Variants in CLDN18 observed in about 807,000 individuals in gnomAD.
CLDN18 encodes the protein claudin-18.
In CLDN18, 20 loss-of-function variants were observed where a neutral mutation model predicts 25.0. The observed-to-expected ratio is 0.80, with a 90% CI of 0.56 to 1.16. The LOEUF is 1.16. CLDN18 is among the 50% of genes most tolerant of loss of function. The pLI is 0.00. For synonymous variants in CLDN18, 125 were observed against 135.6 expected (o/e 0.92, Z 0.54); for missense variants, 297 against 345.4 (o/e 0.86, Z 1.11).
At chr3:138,009,833 A>AT (rs1413395747), upstream of CLDN18, among the ~76,000 whole-genome samples, 4 of 152,208 alleles carry the variant, frequency 2.6e-5, no homozygotes, top group African/African-American at 7.2e-5. Flanking sequence ...GAGGTCAGCC[A>AT]AAGTGGTCTG....
At chr3:138,003,529 G>A (rs1942039570) in intron 1 of CLDN18, among the ~76,000 whole-genome samples, 1 of 152,144 alleles carries the variant, frequency 6.6e-6, no homozygotes, top group Admixed American at 6.6e-5. Flanking sequence ...ATGGGCTAGG[G>A]CAGGTGGAGT....
chr3:138,004,194 T>G (rs1017115163), intron 1 of CLDN18, among the ~76,000 whole-genome samples: 1 of 152,190 alleles, frequency 6.6e-6, no homozygotes, highest in African/African-American at 2.4e-5. Flanking sequence ...CCTATACATA[T>G]TTTAATCTTT....
At chr3:138,022,143 C>G (rs1362983417) in intron 1 of CLDN18, among the ~76,000 whole-genome samples, 2 of 152,088 alleles carry the variant, frequency 1.3e-5, no homozygotes, top group Non-Finnish European at 2.9e-5. Flanking sequence ...ACCACGGACT[C>G]CCAAGGACAG....
chr3:138,020,477 T>C (rs1942257691), intron 1 of CLDN18, among the ~76,000 whole-genome samples: 1 of 152,264 alleles, frequency 6.6e-6, no homozygotes, highest in South Asian at 2.1e-4. Flanking sequence ...GGAGGCACTT[T>C]AACAAGTTCT....
intron 1 of CLDN18, among the ~76,000 whole-genome samples, chr3:138,012,067 C>T (rs1332476227): frequency 1.3e-5 from 2 of 152,084 alleles, no homozygotes; most frequent in African/African-American, 4.8e-5. Flanking sequence ...TTGGTCAGCC[C>T]CTCTCCTCCT....
At chr3:138,022,605 A>G (rs1422970573) in intron 1 of CLDN18, among the ~76,000 whole-genome samples, 1 of 152,204 alleles carries the variant, frequency 6.6e-6, no homozygotes, top group African/African-American at 2.4e-5. Flanking sequence ...AAGGGGATAT[A>G]CTGGAGGGAT....
rs757411997 is a variant in CLDN18 at position 138,010,187 on chromosome 3, G to A, written c.-39G>A. On this transcript the variant is annotated 5_prime_UTR_variant, in exon 1 of 5. Coordinates refer to ENST00000183605, the MANE Select transcript of CLDN18 (RefSeq NM_016369.4). ...TTCACACCTTCGGCAGCAGGAGGGC[G>A]GCAGCTTCTCGCAGGCGGCAGGGCG... The A allele has an allele frequency of 2.5e-6, 4 of 1,600,352 alleles. No homozygotes were observed. The highest frequency in any genetic ancestry group is 1.1e-5 in the South Asian group (1 of 89,344).
At chr3:138,028,820 C>A (rs553086607) in intron 3 of CLDN18, among the ~76,000 whole-genome samples, 1 of 152,314 alleles carries the variant, frequency 6.6e-6, no homozygotes, top group East Asian at 1.9e-4. Context: ...AGGGCACCAG[C>A]TTTGGAGTCA....
upstream of CLDN18, chr3:138,010,161 C>T (rs1576407410): frequency 2.4e-5 from 38 of 1,572,636 alleles, no homozygotes; most frequent in East Asian, 8.8e-4. Context: ...AGCGCGTTAG[C>T]TTCACACCTT....
At chr3:137,998,886 T>C in exon 1 of CLDN18, 1 of 1,614,228 alleles carries the variant, frequency 6.2e-7, no homozygotes, top group East Asian at 2.2e-5. Context: ...TGACTGCCTG[T>C]CAGGGCTTGG....
chr3:138,013,029 C>T (rs1942160425), intron 1 of CLDN18, among the ~76,000 whole-genome samples: 1 of 152,162 alleles, frequency 6.6e-6, no homozygotes, highest in African/African-American at 2.4e-5. Flanking sequence ...AGAATTATTT[C>T]CCCATTTCCC....
At chr3:138,024,557 T>C in intron 2 of CLDN18, 50 bp from the exon 3 acceptor site, 2 of 1,127,938 alleles carry the variant, frequency 1.8e-6, no homozygotes, top group Non-Finnish European at 2.7e-6. Flanking sequence ...CTCAGAAACA[T>C]TGTAATCCCT....
At chr3:138,030,115 G>C (rs1346433217) in intron 4 of CLDN18, among the ~76,000 whole-genome samples, 1 of 152,224 alleles carries the variant, frequency 6.6e-6, no homozygotes, top group Non-Finnish European at 1.5e-5. Flanking sequence ...GATCCTATTT[G>C]AAAGAAAAAT....
chr3:138,030,814 A>C (rs1475797779), intron 4 of CLDN18, among the ~76,000 whole-genome samples, 156 bp from the exon 5 acceptor site: 1 of 152,206 alleles, frequency 6.6e-6, no homozygotes, highest in African/African-American at 2.4e-5. Context: ...GTGTACCAAA[A>C]ACTAAGGTTA....
chr3:138,023,181 G>C lies in CLDN18; in HGVS notation c.221-477G>C, dbSNP rs538309528. Among the ~76,000 whole-genome samples the C allele has an allele frequency of 2.6e-5, 4 of 152,144 alleles. No homozygotes were observed. The East Asian group carries it at 7.7e-4, about 29-fold the overall frequency. ...CATCATATGCAATAAATGAATTCCG[G>C]GTTTCCTAAAGTGGACACAACTATG... is the stretch of plus-strand genomic sequence containing the variant. On this transcript the variant is annotated intron_variant, in intron 1 of 4. Transcript: ENST00000183605.
chr3:138,020,099 T>A (rs187675925), intron 1 of CLDN18, among the ~76,000 whole-genome samples: 1 of 152,288 alleles, frequency 6.6e-6, no homozygotes, highest in Non-Finnish European at 1.5e-5. Flanking sequence ...ATAGAGAAGA[T>A]TAGGATCCCA....
chr3:138,015,575 A>G (rs2107881373), intron 1 of CLDN18, among the ~76,000 whole-genome samples: 1 of 152,300 alleles, frequency 6.6e-6, no homozygotes, highest in South Asian at 2.1e-4. Flanking sequence ...TTAGTTAATA[A>G]TCATAATTAT....
intron 3 of CLDN18, among the ~76,000 whole-genome samples, chr3:138,026,082 C>T (rs1942323969): frequency 6.6e-6 from 1 of 152,170 alleles, no homozygotes; most frequent in South Asian, 2.1e-4. Context: ...ATTTTCTCCA[C>T]CCAGAAGTCT....
intron 3 of CLDN18, among the ~76,000 whole-genome samples, chr3:138,029,291 G>A (rs1942361032): frequency 6.6e-6 from 1 of 151,966 alleles, no homozygotes; most frequent in Non-Finnish European, 1.5e-5. Flanking sequence ...GATTACAGGC[G>A]TGCACCACCA....
Sources: allele counts gnomAD v4.1 joint callset (sites outside exome capture counted in the v4.1 genomes callset), GRCh38; gene constraint gnomAD v4.1.1; transcripts MANE v1.5; gene names NCBI Gene and HGNC (gene_info 2026-07-23, HGNC 2026-07-21).